Variants in RARB observed in about 807,000 individuals in gnomAD.
The protein encoded by RARB is HBV-activated protein.
A neutral mutation model predicts 51.9 loss-of-function variants in RARB; 17 were observed. The ratio of observed to expected loss-of-function variants is 0.33; its 90% CI spans 0.22 to 0.49. The LOEUF (loss-of-function observed/expected upper bound fraction) is 0.49, where lower values mean the gene tolerates loss of function less well. Ranked by LOEUF, RARB falls within the 20% of genes least tolerant of loss-of-function variation. The probability of loss-of-function intolerance (pLI) is 0.99; values close to 1 mark genes in which losing one functional copy is unlikely to be tolerated. For synonymous variants in RARB, 215 were observed against 195.4 expected (o/e 1.10, Z -0.84); for missense variants, 369 against 550.8 (o/e 0.67, Z 3.30).
At chr3:25,046,707 G>A (rs770977530) in intron 2 of RARB, among the ~76,000 whole-genome samples, 24 of 151,914 alleles carry the variant, frequency 1.6e-4, no homozygotes, top group Admixed American at 4.6e-4. Context: ...CTCCCACCTC[G>A]GCCTCCCAAA....
intron 5 of RARB, among the ~76,000 whole-genome samples, chr3:25,216,234 G>C (rs574707623): frequency 2.6e-5 from 4 of 151,992 alleles, no homozygotes. Context: ...CCCACAAGAG[G>C]AATCACTGAT....
At chr3:25,487,632 A>G (rs541386462) in intron 2 of RARB, among the ~76,000 whole-genome samples, 1 of 152,326 alleles carries the variant, frequency 6.6e-6, no homozygotes, top group East Asian at 1.9e-4. Flanking sequence ...ATTAAAAGAG[A>G]TGATGTTCTG....
intron 5 of RARB, among the ~76,000 whole-genome samples, chr3:25,307,671 C>T (rs574432660): frequency 4.6e-5 from 7 of 152,226 alleles, no homozygotes; most frequent in Non-Finnish European, 7.4e-5. Flanking sequence ...GTTTCTTTGT[C>T]GTTGGACAGA....
In RARB at chr3:25,364,466, C is replaced by T. The variant is rs552081859; in HGVS notation, c.179-96727C>T. ...AAATGTGGGCTTCACACTCAGGAGG[C>T]TCATTCACATTCTAAGATTCATCAT... On this transcript the variant is annotated intron_variant, in intron 5 of 11. Coordinates refer to the RARB transcript ENST00000383772. 5.9e-4 allele frequency among the ~76,000 whole-genome samples: 90 copies of T among 152,336 alleles called. 1 individual carries two copies. Among genetic ancestry groups the T allele is most frequent in the South Asian group, 1.0e-3 (5 of 4,830 alleles).
intron 3 of RARB, among the ~76,000 whole-genome samples, chr3:25,122,481 A>C (rs1479503241): frequency 1.3e-5 from 2 of 152,082 alleles, no homozygotes; most frequent in African/African-American, 4.8e-5. Context: ...AAGTTTGGGA[A>C]GCTCTGCTCT....
chr3:25,136,567 G>C (rs192381962), intron 4 of RARB, among the ~76,000 whole-genome samples: 2 of 152,024 alleles, frequency 1.3e-5, no homozygotes, highest in African/African-American at 4.8e-5. Flanking sequence ...ATGAAACAAT[G>C]CATCACTAAT....
intron 2 of RARB, among the ~76,000 whole-genome samples, chr3:24,880,735 G>T (rs1703142468): frequency 6.6e-6 from 1 of 152,138 alleles, no homozygotes; most frequent in African/African-American, 2.4e-5. Context: ...ATCCAAGGGT[G>T]TTCCATCATA....
At chr3:25,314,524 G>C (rs976743852) in intron 5 of RARB, among the ~76,000 whole-genome samples, 1 of 152,112 alleles carries the variant, frequency 6.6e-6, no homozygotes, top group Non-Finnish European at 1.5e-5. Context: ...GTTTCTTGGG[G>C]TTAAGACATC....
chr3:24,912,047 C>T (rs376121650), intron 2 of RARB, among the ~76,000 whole-genome samples: 3 of 152,164 alleles, frequency 2.0e-5, no homozygotes, highest in Admixed American at 6.5e-5. Context: ...CCATTTTTAG[C>T]GACATTTACT....
rs78318476 is a variant in RARB, at chr3:25,301,165, T to C, written c.178+126590T>C. On this transcript the variant is annotated intron_variant, in intron 5 of 11. Transcript: ENST00000383772. ...GTTATCAGGGTATTAAATGCAGTTT[T>C]CACTTCTGTTTTATTTATGGTAGTT... 5.7e-3 allele frequency among the ~76,000 whole-genome samples: 869 copies of C among 152,352 alleles called. 9 individuals are homozygous for C. Among genetic ancestry groups the C allele is most frequent in the African/African-American group, 0.019 (807 of 41,572 alleles).
At chr3:24,960,329 C>T (rs184230747) in intron 2 of RARB, among the ~76,000 whole-genome samples, 2 of 152,118 alleles carry the variant, frequency 1.3e-5, no homozygotes, top group African/African-American at 4.8e-5. Context: ...GTAAGTTATG[C>T]AGCACAGTGA....
chr3:25,541,197 C>G (rs1016642823), intron 3 of RARB, among the ~76,000 whole-genome samples: 1 of 152,196 alleles, frequency 6.6e-6, no homozygotes, highest in African/African-American at 2.4e-5. Context: ...GACCCTTGCT[C>G]TCTATTGATA....
intron 5 of RARB, among the ~76,000 whole-genome samples, chr3:25,324,816 C>G (rs1009033398): frequency 6.6e-6 from 1 of 152,168 alleles, no homozygotes; most frequent in Admixed American, 6.5e-5. Context: ...CAAGCCCTGC[C>G]TTTTCCTCTC....
chr3:25,557,284 G>C (rs1490019895), intron 3 of RARB, among the ~76,000 whole-genome samples: 2 of 152,122 alleles, frequency 1.3e-5, no homozygotes, highest in Non-Finnish European at 2.9e-5. Context: ...GAATAACTGA[G>C]TCTATTTCAC....
intron 2 of RARB, among the ~76,000 whole-genome samples, chr3:25,046,055 T>C (rs1396619759): frequency 1.3e-5 from 2 of 152,220 alleles, no homozygotes; most frequent in Non-Finnish European, 2.9e-5. Flanking sequence ...TTGTAAATCA[T>C]GTAGTCTGCC....
At chr3:25,360,054 T>A (rs926615386) in intron 5 of RARB, among the ~76,000 whole-genome samples, 1 of 152,218 alleles carries the variant, frequency 6.6e-6, no homozygotes, top group African/African-American at 2.4e-5. Flanking sequence ...GTCATTGATC[T>A]GTCTAATATA....
At chr3:25,010,252 C>G (rs894658334) in intron 2 of RARB, among the ~76,000 whole-genome samples, 2 of 151,928 alleles carry the variant, frequency 1.3e-5, no homozygotes, top group African/African-American at 4.8e-5. Flanking sequence ...GAGTCCATAC[C>G]TTTTCCAAAC....
chr3:25,167,858 A>C (rs1700584242), intron 4 of RARB, among the ~76,000 whole-genome samples: 1 of 152,174 alleles, frequency 6.6e-6, no homozygotes, highest in Non-Finnish European at 1.5e-5. Context: ...GTCTTTCATA[A>C]GGTTTTTTTC....
chr3:25,267,612 C>G (rs976199720), intron 5 of RARB, among the ~76,000 whole-genome samples: 1 of 152,162 alleles, frequency 6.6e-6, no homozygotes, highest in African/African-American at 2.4e-5. Flanking sequence ...TCCTACAGAA[C>G]CTTCTCTTCC....
Sources: gnomAD v4.1 joint callset for allele counts (sites outside exome capture counted in the v4.1 genomes callset) on GRCh38, gnomAD v4.1.1 for gene constraint, MANE v1.5 for transcripts, NCBI Gene and HGNC (gene_info 2026-07-23, HGNC 2026-07-21) for gene names.